Variants in UGT2A2 observed in about 807,000 individuals in gnomAD.
UGT2A2 encodes UDP glucuronosyltransferase family 2 member A2.
UGT2A2 carries 60 observed loss-of-function variants against 50.7 expected under a neutral mutation model. That is an observed-to-expected ratio of 1.18 (90% CI 0.96 to 1.47). UGT2A2 has a LOEUF of 1.47. Ranked by LOEUF, UGT2A2 falls within the 40% of genes most tolerant of loss-of-function variation. UGT2A2 has a pLI of 0.00. For missense variants in UGT2A2, 762 were observed against 634.0 expected (o/e 1.20, Z -2.17); for synonymous variants, 242 against 214.6 (o/e 1.13, Z -1.11).
chr4:69,596,484 A>T, intron 2 of UGT2A2, 103 bp from the exon 3 acceptor site: 1 of 1,326,300 alleles, frequency 7.5e-7, no homozygotes, highest in Non-Finnish European at 9.8e-7. Flanking sequence ...ATGTCAGAGA[A>T]ACTGTTGAAC....
intron 1 of UGT2A2, among the ~76,000 whole-genome samples, chr4:69,624,391 G>C (rs1336830522): frequency 1.3e-5 from 2 of 150,622 alleles, no homozygotes; most frequent in African/African-American, 4.9e-5. Flanking sequence ...GTTTAGTCTT[G>C]CTTTTTTTAA....
At chr4:69,599,866 A>G (rs10023782) in intron 1 of UGT2A2, 29,839 of 153,294 alleles carry the variant, frequency 0.19, 3,554 homozygotes, top group East Asian at 0.55. Context: ...TTAAACTATA[A>G]CTACAACTAC....
At chr4:69,620,218 C>T (rs1720662440) in intron 1 of UGT2A2, among the ~76,000 whole-genome samples, 1 of 151,830 alleles carries the variant, frequency 6.6e-6, no homozygotes, top group South Asian at 2.1e-4. Context: ...CAACATGATT[C>T]TATATGTAGA....
intron 1 of UGT2A2, among the ~76,000 whole-genome samples, chr4:69,637,840 T>C (rs570312087): frequency 4.6e-5 from 7 of 151,834 alleles, no homozygotes; most frequent in African/African-American, 1.4e-4. Flanking sequence ...AACAAATACT[T>C]TTTTTTACAC....
In UGT2A2 at chr4:69,608,767, C is replaced by T. The variant is rs185007907; in HGVS notation, c.743-9373G>A. Among the ~76,000 whole-genome samples, 132 of 152,224 alleles carry T rather than the reference C, an allele frequency of 8.7e-4. 4 individuals carry two copies. The East Asian group carries it at 0.016, about 18-fold the overall frequency. ...CTGGAGTGCAGTGGCGCCATCTCAG[C>T]TCACTGCAACCTCTGCCTCCTGGGT... On this transcript the variant is annotated intron_variant, in intron 1 of 5. Transcript: ENST00000604629.
chr4:69,599,133 T>A, intron 2 of UGT2A2, 113 bp downstream of exon 2: 1 of 1,407,000 alleles, frequency 7.1e-7, no homozygotes. Flanking sequence ...AGATGTGGAG[T>A]AGCAAACTGA....
chr4:69,607,084 G>C (rs1208013473), intron 1 of UGT2A2, among the ~76,000 whole-genome samples: 1 of 94,108 alleles, frequency 1.1e-5, no homozygotes, highest in Non-Finnish European at 2.2e-5. Context: ...AGTTCATATG[G>C]AACCAAAAAA....
Position 69,589,316 on chromosome 4 carries a change from C to T in UGT2A2, c.*56G>A, listed in dbSNP as rs1718442522. ...CTTTTGTCTGGAATTAATAGGACTA[C>T]ACTACTCAGGATTTTGCCAAACTTA... On this transcript the variant is annotated 3_prime_UTR_variant, in exon 6 of 6. Transcript: ENST00000604629. 2 of 1,502,832 alleles carry T rather than the reference C, an allele frequency of 1.3e-6. No homozygotes were observed. The highest frequency in any genetic ancestry group is 1.4e-5 in the South Asian group (1 of 73,504). The allele number at this position is 1,502,832 out of a possible 1,614,324, so 93.1% of individuals were successfully genotyped here.
At chr4:69,632,736 A>C (rs1442120845) in intron 1 of UGT2A2, among the ~76,000 whole-genome samples, 1 of 151,962 alleles carries the variant, frequency 6.6e-6, no homozygotes, top group Non-Finnish European at 1.5e-5. Flanking sequence ...AAAAATACAA[A>C]AATTAGCCAG....
intron 5 of UGT2A2, among the ~76,000 whole-genome samples, chr4:69,590,767 A>G (rs998273711): frequency 6.6e-6 from 1 of 152,212 alleles, no homozygotes; most frequent in South Asian, 2.1e-4. Flanking sequence ...GAATCAAAAA[A>G]TAAGAAGAAG....
Position 69,639,534 on chromosome 4 carries a change from G to C in UGT2A2, c.107C>G (p.Pro36Arg). The C allele has an allele frequency of 1.2e-6, 2 of 1,613,074 alleles. No individual in the cohort carries two copies. The highest frequency in any genetic ancestry group is 1.7e-6 in the Non-Finnish European group (2 of 1,179,492). ...ATTTAACCAATGGCTACCATCTGTA[G>C]GCCAAATTAACACATTCCCACTTAG... ...VVLSGNVLIWPTDGSHWLNIK... is the reference protein window; with the variant it reads ...VVLSGNVLIWRTDGSHWLNIK... Residue 36 changes from proline (P) to arginine (R), a missense_variant, in exon 1 of 6, where the codon CCT becomes CGT. Coordinates refer to ENST00000604629, the MANE Select transcript of UGT2A2 (RefSeq NM_001105677.2).
Position 69,611,860 on chromosome 4 carries a change from G to C in UGT2A2, c.743-12466C>G, listed in dbSNP as rs139099625. 3.0e-3 allele frequency among the ~76,000 whole-genome samples: 459 copies of C among 152,192 alleles called. 4 individuals carry two copies. Among genetic ancestry groups the C allele is most frequent in the African/African-American group, 0.01 (419 of 41,538 alleles). On this transcript the variant is annotated intron_variant, in intron 1 of 5. Transcript: ENST00000604629. ...TAGGAAAGCCTAATGGATTGCCCTAGTTTCCCTCATTACACATACGCATTC... is the reference window on the plus strand; with the variant it reads ...TAGGAAAGCCTAATGGATTGCCCTACTTTCCCTCATTACACATACGCATTC...
At chr4:69,631,861 C>T (rs552660367) in intron 1 of UGT2A2, among the ~76,000 whole-genome samples, 1 of 152,284 alleles carries the variant, frequency 6.6e-6, no homozygotes, top group Middle Eastern at 3.4e-3. Flanking sequence ...AATTTCTATT[C>T]TAACACAAGG....
rs530745643 is a variant in UGT2A2, at chr4:69,588,782, A to G, written c.*590T>C. 1.3e-5 allele frequency: 2 copies of G among 152,128 alleles called. No homozygotes were observed. The highest frequency in any genetic ancestry group is 4.1e-4 in the South Asian group (2 of 4,834). The allele number at this position is 152,128 out of a possible 1,614,324, so 9.4% of individuals were successfully genotyped here. ...TGCCGTGATTTTCTAGATATGCTTA[A>G]TGAAAATTTTGTAGACATTTAATAG... On this transcript the variant is annotated 3_prime_UTR_variant, in exon 6 of 6. Coordinates refer to ENST00000604629, the MANE Select transcript of UGT2A2 (RefSeq NM_001105677.2).
intron 1 of UGT2A2, among the ~76,000 whole-genome samples, chr4:69,635,092 A>G (rs1049061060): frequency 6.6e-6 from 1 of 152,158 alleles, no homozygotes; most frequent in African/African-American, 2.4e-5. Context: ...AATATATACT[A>G]CTATGTACCC....
intron 1 of UGT2A2, among the ~76,000 whole-genome samples, chr4:69,605,578 A>G (rs1487086270): frequency 1.5e-5 from 2 of 136,978 alleles, no homozygotes; most frequent in African/African-American, 3.0e-5. Context: ...AGATCAGAGC[A>G]GAACTGAAGG....
intron 1 of UGT2A2, among the ~76,000 whole-genome samples, chr4:69,629,426 A>C (rs1721265003): frequency 6.6e-6 from 1 of 151,978 alleles, no homozygotes; most frequent in Admixed American, 6.6e-5. Context: ...GCCTAATAAG[A>C]GTGTTTTTGT....
At chr4:69,631,766 G>A (rs918688217) in intron 1 of UGT2A2, among the ~76,000 whole-genome samples, 6 of 152,050 alleles carry the variant, frequency 3.9e-5, no homozygotes, top group Admixed American at 2.6e-4. Flanking sequence ...TGAAGACTAC[G>A]GACATATTAC....
intron 1 of UGT2A2, among the ~76,000 whole-genome samples, chr4:69,632,188 G>A (rs73824182): frequency 0.11 from 16,161 of 152,036 alleles, 873 homozygotes; most frequent in South Asian, 0.21. Flanking sequence ...AAAGGTTCAA[G>A]GTGTTTTGAT....
Sources: allele counts gnomAD v4.1 joint callset (sites outside exome capture counted in the v4.1 genomes callset), GRCh38; gene constraint gnomAD v4.1.1; transcripts MANE v1.5; gene names NCBI Gene and HGNC (gene_info 2026-07-23, HGNC 2026-07-21).